The following CDK5RAP1 variants were observed in gnomAD, a reference collection of about 807,000 sequenced individuals.
CDK5RAP1 encodes the protein mitochondrial tRNA methylthiotransferase CDK5RAP1.
Under a neutral mutation model 64.5 loss-of-function variants are expected in CDK5RAP1, and 62 were observed. The observed-to-expected ratio is 0.96, with a 90% CI of 0.78 to 1.19. CDK5RAP1 has a LOEUF of 1.19. CDK5RAP1 is among the 50% of genes most tolerant of loss of function. CDK5RAP1 has a pLI of 0.00. For synonymous variants in CDK5RAP1, 250 were observed against 261.9 expected, an observed-to-expected ratio of 0.95 and a Z score of 0.44; for missense variants, 657 against 735.0, an observed-to-expected ratio of 0.89 and a Z score of 1.23.
intron 11 of CDK5RAP1, among the ~76,000 whole-genome samples, chr20:33,369,519 C>T (rs1173934561): frequency 6.6e-6 from 1 of 151,822 alleles, no homozygotes; most frequent in Non-Finnish European, 1.5e-5. Flanking sequence ...CAGAAACTAA[C>T]AGCTCCTCTG....
intron 5 of CDK5RAP1, among the ~76,000 whole-genome samples, chr20:33,391,603 C>T (rs1568725784): frequency 6.6e-6 from 1 of 152,148 alleles, no homozygotes; most frequent in African/African-American, 2.4e-5. Flanking sequence ...AGGCGGATCA[C>T]CCGAGGTCAG....
intron 4 of CDK5RAP1, among the ~76,000 whole-genome samples, chr20:33,393,639 C>A (rs2146715651): frequency 6.6e-6 from 1 of 152,256 alleles, no homozygotes; most frequent in African/African-American, 2.4e-5. Context: ...AGTCACCCAT[C>A]TCTACTCAAA....
intron 7 of CDK5RAP1, among the ~76,000 whole-genome samples, chr20:33,383,957 T>G (rs561072225): frequency 2.3e-4 from 35 of 152,302 alleles, no homozygotes; most frequent in African/African-American, 7.0e-4. Flanking sequence ...TTTAGGTGAT[T>G]GTTAGCTGGG....
chr20:33,388,749 C>A (rs1029476535), intron 5 of CDK5RAP1, among the ~76,000 whole-genome samples: 4 of 152,020 alleles, frequency 2.6e-5, no homozygotes, highest in Non-Finnish European at 4.4e-5. Flanking sequence ...CTCAACCTGC[C>A]GAGTGCCTGC....
rs1414792084 is a variant in CDK5RAP1, at chr20:33,366,922, T to C, written c.1479A>G (p.Arg493=). Residue 493 remains arginine (R), a synonymous_variant, in exon 12 of 14, where the codon CGA becomes CGG. Transcript: ENST00000346416. The part of the protein sequence containing the change: ...RRLEELITIF[R]EEATKANQTS... The stretch of plus-strand genomic sequence containing the variant: ...TCTGATTGGCTTTTGTTGCTTCTTC[T>C]CGGAAGATAGTGATGAGTTCCTCCA... 6.2e-7 allele frequency: 1 copy of C among 1,613,906 alleles called. No homozygotes were observed. The highest frequency in any genetic ancestry group is 1.7e-5 in the Admixed American group (1 of 59,988).
chr20:33,367,826 C>T (rs1984273191), intron 11 of CDK5RAP1, among the ~76,000 whole-genome samples: 1 of 152,170 alleles, frequency 6.6e-6, no homozygotes, highest in Admixed American at 6.5e-5. Flanking sequence ...GCTGGAGAAC[C>T]ACTGAGCTAG....
intron 8 of CDK5RAP1, among the ~76,000 whole-genome samples, chr20:33,375,419 AAAAAGAAAAG>A (rs1221230252): frequency 6.7e-6 from 1 of 148,576 alleles, no homozygotes. Context: ...AAAAAAAAAG[AAAAAGAAAAG>A]AAAAGAAAAC....
intron 12 of CDK5RAP1, among the ~76,000 whole-genome samples, chr20:33,365,597 T>TAA (rs11471267): frequency 5.1e-4 from 40 of 78,368 alleles, no homozygotes; most frequent in African/African-American, 1.7e-3. Context: ...CTCTATAATG[T>TAA]AAAAAAAAAA....
At chr20:33,360,644 T>G (rs1221433024) in intron 12 of CDK5RAP1, among the ~76,000 whole-genome samples, 153 bp from the exon 13 acceptor site, 1 of 152,200 alleles carries the variant, frequency 6.6e-6, no homozygotes, top group Admixed American at 6.5e-5. Flanking sequence ...TGTTTGCTGC[T>G]GCTTCACCAG....
Position 33,386,972 on chromosome 20 carries a change from T to G in CDK5RAP1, c.755+351A>C, listed in dbSNP as rs1218657018. Among the ~76,000 whole-genome samples, 6 of 151,402 alleles carry G rather than the reference T, an allele frequency of 4.0e-5. No individual in the cohort carries two copies. The East Asian group carries it at 1.2e-3, about 29-fold the overall frequency. ...TTTGGCAACCTCTGTTACAGAAAAT[T>G]TAATGCCATGGCCAGGCGCAGTGGC... On this transcript the variant is annotated intron_variant, in intron 6 of 13. Coordinates refer to ENST00000346416, the MANE Select transcript of CDK5RAP1 (RefSeq NM_016408.4).
chr20:33,390,274 CA>C (rs113894811), intron 5 of CDK5RAP1, among the ~76,000 whole-genome samples: 147 of 142,632 alleles, frequency 1.0e-3, no homozygotes, highest in Admixed American at 8.4e-4. Flanking sequence ...ACCCTGTCAC[CA>C]AAAAAAAAAA....
chr20:33,379,874 T>C (rs1378914782), intron 7 of CDK5RAP1, among the ~76,000 whole-genome samples, 183 bp from the exon 8 acceptor site: 1 of 152,158 alleles, frequency 6.6e-6, no homozygotes, highest in African/African-American at 2.4e-5. Flanking sequence ...TTAGACATCT[T>C]ACCTAAAGAG....
At chr20:33,361,950 A>T (rs210074) in intron 12 of CDK5RAP1, among the ~76,000 whole-genome samples, 82,373 of 133,600 alleles carry the variant, frequency 0.62, 26,017 homozygotes, top group Non-Finnish European at 0.68. Context: ...AGTGAGCCTC[A>T]GTCTCAAAAA....
Position 33,387,394 on chromosome 20 carries a change from C to G in CDK5RAP1, c.684G>C (p.Leu228=). 6.2e-7 allele frequency: 1 copy of G among 1,614,162 alleles called. No homozygotes were observed. Among genetic ancestry groups the G allele is most frequent in the Non-Finnish European group, 8.5e-7 (1 of 1,180,032 alleles). The change falls in exon 6 of 14, where the codon CTG becomes CTC. Residue 228 remains leucine (L), a synonymous_variant. Transcript: ENST00000346416. ...CAGCATAGGTCTCGTCCAGAGAGAG[C>G]AGCACGTTGGCAGCTTGCTGGCCCG... ...AESGQQAANV[L]LSLDETYADV... is the part of the protein sequence containing the mutation.
rs143090294 is a variant in CDK5RAP1 at position 33,387,167 on chromosome 20, T to G, written c.755+156A>C. Among the ~76,000 whole-genome samples, 63 of 149,310 alleles carry G rather than the reference T, an allele frequency of 4.2e-4. 1 individual carries two copies. The East Asian group carries it at 9.9e-3, about 23-fold the overall frequency. Reference sequence around the variant, plus strand: ...CTGTAGTCCCAGCTACTCAGGGGACTAAAGCAAGAGCCCAGGAGGTCAAGG... The same window carrying G: ...CTGTAGTCCCAGCTACTCAGGGGACGAAAGCAAGAGCCCAGGAGGTCAAGG... On this transcript the variant is annotated intron_variant, in intron 6 of 13. Coordinates refer to ENST00000346416, the MANE Select transcript of CDK5RAP1 (RefSeq NM_016408.4).
rs1987350420 is a variant in CDK5RAP1 at position 33,385,756 on chromosome 20, C to A, written c.770G>T (p.Gly257Val). ...GCAGTAGCTACACATGTTGTCACAGCCTCGCATGATTGACCTGGAGAAGAA... is the reference window on the plus strand; with the variant it reads ...GCAGTAGCTACACATGTTGTCACAGACTCGCATGATTGACCTGGAGAAGAA... ...ATSAFVSIMRGCDNMCSYCIV... is the reference protein window; with the variant it reads ...ATSAFVSIMRVCDNMCSYCIV... Residue 257 changes from glycine to valine, a missense_variant, in exon 7 of 14, where the codon GGC becomes GTC. Physicochemically the swap from Gly to Val is moderately radical, Grantham distance 109. Coordinates refer to ENST00000346416, the MANE Select transcript of CDK5RAP1 (RefSeq NM_016408.4). The A allele has an allele frequency of 1.9e-6, 3 of 1,612,700 alleles. No individual in the cohort carries two copies. The highest frequency in any genetic ancestry group is 2.2e-5 in the East Asian group (1 of 44,880).
chr20:33,393,747 G>A (rs1012428646), intron 4 of CDK5RAP1, among the ~76,000 whole-genome samples: 4 of 152,062 alleles, frequency 2.6e-5, no homozygotes, highest in Non-Finnish European at 5.9e-5. Context: ...TGAGTGGCTC[G>A]GCACATTCTT....
intron 5 of CDK5RAP1, among the ~76,000 whole-genome samples, chr20:33,388,631 TGTCTCCCTCTCCCTCTCTTTCCACG>T (rs1171513164): frequency 4.3e-5 from 6 of 140,944 alleles, no homozygotes; most frequent in African/African-American, 1.6e-4. Flanking sequence ...CTCTTTCCAC[TGTCTCCCTCTCCCTCTCTTTCCACG>T]GTCTCCCTCT....
At chr20:33,372,325 A>ATCTTGTAAGGT (rs1985191038) in intron 10 of CDK5RAP1, among the ~76,000 whole-genome samples, 1 of 151,014 alleles carries the variant, frequency 6.6e-6, no homozygotes, top group African/African-American at 2.4e-5. Context: ...GAACTAATTT[A>ATCTTGTAAGGT]GACATAACTT....
Sources: gnomAD v4.1 joint callset for allele counts (sites outside exome capture counted in the v4.1 genomes callset) on GRCh38, gnomAD v4.1.1 for gene constraint, MANE v1.5 for transcripts, NCBI Gene and HGNC (gene_info 2026-07-23, HGNC 2026-07-21) for gene names.